PARVB: variants seen among roughly 807,000 people sequenced by gnomAD.
PARVB encodes beta-parvin.
In PARVB, 46 loss-of-function variants were observed where a neutral mutation model predicts 47.0. The ratio of observed to expected loss-of-function variants is 0.98; its 90% CI spans 0.77 to 1.25. The LOEUF (loss-of-function observed/expected upper bound fraction) is 1.25. Among genes scored for constraint, PARVB ranks in the 50% most tolerant of loss-of-function variants. The pLI is 0.00. For synonymous variants in PARVB, 196 were observed against 196.3 expected (o/e 1.00, Z 0.01); for missense variants, 473 against 471.6 (o/e 1.00, Z -0.03).
chr22:44,014,974 C>T (rs1262055645), intron 2 of PARVB, among the ~76,000 whole-genome samples: 1 of 151,952 alleles, frequency 6.6e-6, no homozygotes, highest in East Asian at 1.9e-4. Flanking sequence ...CCTCAGCATT[C>T]TGAGTAGCTG....
intron 1 of PARVB, among the ~76,000 whole-genome samples, chr22:44,092,765 C>T (rs1014539923): frequency 6.6e-6 from 1 of 152,222 alleles, no homozygotes; most frequent in Non-Finnish European, 1.5e-5. Flanking sequence ...GTCTCACGGC[C>T]AGCATGAGTG....
chr22:44,169,436 T>C lies in PARVB; in HGVS notation c.*758T>C, dbSNP rs982046762. 13 of 150,262 alleles carry C rather than the reference T, an allele frequency of 8.7e-5. 1 individual carries two copies. The South Asian group carries it at 1.2e-3, about 14-fold the overall frequency. 9.3% of individuals were successfully genotyped at this position (150,262 alleles called of 1,614,324 possible). On this transcript the variant is annotated 3_prime_UTR_variant, in exon 13 of 13. Coordinates refer to ENST00000338758, the MANE Select transcript of PARVB (RefSeq NM_013327.5). ...GGGCTGGGTCTGGAGATGGCTCTAA[T>C]TGTGCTGCTTGAGACAGCTTGGGTC...
At chr22:44,109,926 A>C (rs1024876171) in intron 3 of PARVB, 1 of 151,466 alleles carries the variant, frequency 6.6e-6, no homozygotes, top group Non-Finnish European at 1.5e-5. Flanking sequence ...ATCCCGGCTA[A>C]AACGGTGAAA....
At chr22:44,099,178 G>A (rs773124791) in intron 2 of PARVB, among the ~76,000 whole-genome samples, 5 of 152,206 alleles carry the variant, frequency 3.3e-5, no homozygotes, top group East Asian at 1.9e-4. Flanking sequence ...CCCGGTGAGT[G>A]GAGCCTGGGC....
At chr22:44,101,420 A>AAT (rs141361800) in intron 3 of PARVB, among the ~76,000 whole-genome samples, 7,913 of 145,196 alleles carry the variant, frequency 0.054, 675 homozygotes, top group African/African-American at 0.2. Context: ...AAAAAAATAA[A>AAT]AAATAAAAAA....
chr22:44,100,331 C>T (rs990403515), intron 3 of PARVB, among the ~76,000 whole-genome samples: 4 of 152,256 alleles, frequency 2.6e-5, no homozygotes, highest in Admixed American at 6.5e-5. Flanking sequence ...GTGCCCTGCT[C>T]GGCTGGGGCT....
intron 1 of PARVB, among the ~76,000 whole-genome samples, chr22:44,080,207 T>C (rs2147001612): frequency 6.6e-6 from 1 of 152,326 alleles, no homozygotes; most frequent in African/African-American, 2.4e-5. Context: ...GTGGAGTTGC[T>C]GGGGCTCTCT....
At chr22:44,091,764 G>A (rs2052172830) in intron 1 of PARVB, among the ~76,000 whole-genome samples, 1 of 152,210 alleles carries the variant, frequency 6.6e-6, no homozygotes, top group Non-Finnish European at 1.5e-5. Context: ...AGCAGTGCCC[G>A]AAGGTTCCCT....
upstream of PARVB, among the ~76,000 whole-genome samples, chr22:44,022,580 G>C (rs984149741): frequency 5.2e-4 from 79 of 151,974 alleles, 2 homozygotes; most frequent in Admixed American, 4.7e-3. Context: ...ACTGCACTGG[G>C]GGGACTGGGG....
intron 6 of PARVB, among the ~76,000 whole-genome samples, chr22:44,135,806 C>T (rs116245500): frequency 0.011 from 1,609 of 152,282 alleles, 32 homozygotes; most frequent in African/African-American, 0.036. Flanking sequence ...GGCTGTCAGT[C>T]CTTGGTGTTC....
intron 1 of PARVB, among the ~76,000 whole-genome samples, chr22:44,076,445 G>A (rs1248950052): frequency 6.6e-6 from 1 of 152,226 alleles, no homozygotes; most frequent in Non-Finnish European, 1.5e-5. Flanking sequence ...TTCAGGCCTA[G>A]AGACAGGCTC....
At chr22:44,034,072 A>AATATATATAT (rs141630951) in intron 1 of PARVB, among the ~76,000 whole-genome samples, 7 of 149,096 alleles carry the variant, frequency 4.7e-5, no homozygotes, top group African/African-American at 1.7e-4. Flanking sequence ...GAATTTGAAG[A>AATATATATAT]ATATATATAT....
At chr22:44,094,571 C>T (rs576551001) in intron 2 of PARVB, among the ~76,000 whole-genome samples, 1 of 146,020 alleles carries the variant, frequency 6.8e-6, no homozygotes, top group Admixed American at 6.8e-5. Flanking sequence ...CTCATGGCAG[C>T]CTTTACCGTC....
At chr22:44,091,295 T>TTTG (rs1555901702) in intron 1 of PARVB, among the ~76,000 whole-genome samples, 4 of 141,794 alleles carry the variant, frequency 2.8e-5, no homozygotes, top group Non-Finnish European at 4.6e-5. Flanking sequence ...TTTTTTTTTT[T>TTTG]GCTATTTAAA....
At chr22:43,999,283 A>T (rs2050386526) in exon 1 of PARVB, 1 of 1,349,876 alleles carries the variant, frequency 7.4e-7, no homozygotes, top group Admixed American at 2.4e-5. Context: ...TTAATTTCTG[A>T]ATTCTCCCTT....
At chr22:44,147,692 A>G (rs1569153672) in intron 8 of PARVB, 169 bp from the exon 9 acceptor site, 2 of 764,228 alleles carry the variant, frequency 2.6e-6, no homozygotes, top group Middle Eastern at 2.4e-4. Context: ...GCCGGGACTG[A>G]TCATCAGGGT....
intron 3 of PARVB, among the ~76,000 whole-genome samples, chr22:44,100,850 G>A (rs2052426606): frequency 6.6e-6 from 1 of 152,148 alleles, no homozygotes; most frequent in Admixed American, 6.5e-5. Flanking sequence ...CCTGACCTTG[G>A]TGAACCCAGG....
At chr22:44,158,156 G>T in intron 11 of PARVB, 73 bp downstream of exon 11, 1 of 1,008,476 alleles carries the variant, frequency 9.9e-7, no homozygotes, top group South Asian at 1.4e-5. Context: ...AGACTATCCC[G>T]GCAGCTCTTC....
chr22:44,072,119 A>G (rs1252104865), intron 1 of PARVB, among the ~76,000 whole-genome samples: 2 of 152,194 alleles, frequency 1.3e-5, no homozygotes, highest in Non-Finnish European at 2.9e-5. Context: ...GTCAGTTGTA[A>G]TGTGAATGTC....
Sources: gnomAD v4.1 joint callset for allele counts (sites outside exome capture counted in the v4.1 genomes callset) on GRCh38, gnomAD v4.1.1 for gene constraint, MANE v1.5 for transcripts, NCBI Gene and HGNC (gene_info 2026-07-23, HGNC 2026-07-21) for gene names.